Variants in STAT4 observed in about 807,000 individuals in gnomAD.
STAT4 encodes signal transducer and activator of transcription 4.
STAT4 carries 42 observed loss-of-function variants against 110.5 expected under a neutral mutation model. The observed-to-expected ratio is 0.38, with a 90% confidence interval of 0.30 to 0.49. The LOEUF is 0.49. STAT4 is among the 20% of genes least tolerant of loss of function. The probability of loss-of-function intolerance (pLI) is 0.95; values close to 1 mark genes in which losing one functional copy is unlikely to be tolerated. For missense variants in STAT4, 632 were observed against 887.9 expected (o/e 0.71, Z 3.66); for synonymous variants, 284 against 302.2 (o/e 0.94, Z 0.63).
chr2:191,049,823 C>G (rs1301482593), intron 14 of STAT4, among the ~76,000 whole-genome samples: 1 of 152,138 alleles, frequency 6.6e-6, no homozygotes, highest in Non-Finnish European at 1.5e-5. Context: ...GCTCATAAAG[C>G]CCTCTGCTGC....
At chr2:191,034,055 G>T in intron 18 of STAT4, 50 bp from the exon 19 acceptor site, 1 of 1,237,880 alleles carries the variant, frequency 8.1e-7, no homozygotes, top group Non-Finnish European at 1.2e-6. Flanking sequence ...AAGTAATAAT[G>T]TTGATATAAT....
intron 3 of STAT4, among the ~76,000 whole-genome samples, chr2:191,136,550 G>T (rs1468323100): frequency 6.6e-6 from 1 of 152,158 alleles, no homozygotes; most frequent in Non-Finnish European, 1.5e-5. Flanking sequence ...TCAGGAGTTC[G>T]AGACCAGCCT....
Position 191,064,684 on chromosome 2 carries a change from A to G in STAT4, c.782+123T>C, listed in dbSNP as rs994183367. 9 of 1,193,788 alleles carry G rather than the reference A, an allele frequency of 7.5e-6. No individual in the cohort carries two copies. In the African/African-American group the frequency reaches 1.4e-4, roughly 19 times the overall value. The allele number at this position is 1,193,788 out of a possible 1,614,324, so 73.9% of individuals were successfully genotyped here. A position where few individuals can be genotyped will look rare whatever the true frequency, so the allele number is the denominator to read the frequency against. ...TCAACTGTAGATTTCTCAGCTGCTA[A>G]TAAGCCATCAATAAACTGAATGAAC... On this transcript the variant is annotated intron_variant, in intron 8 of 23. Transcript: ENST00000392320.
chr2:191,036,071 C>A, intron 17 of STAT4, 93 bp downstream of exon 17: 1 of 1,400,090 alleles, frequency 7.1e-7, no homozygotes, highest in South Asian at 1.4e-5. Flanking sequence ...TGATTATCAT[C>A]TTTATTATTA....
intron 3 of STAT4, among the ~76,000 whole-genome samples, chr2:191,092,513 T>TA (rs71030322): frequency 2.3e-3 from 333 of 143,412 alleles, no homozygotes; most frequent in African/African-American, 5.5e-3. Flanking sequence ...GTGCTACAGT[T>TA]AAAAAAAAAA....
chr2:191,066,602 G>T lies in STAT4; in HGVS notation c.545-87C>A. The T allele has an allele frequency of 1.6e-6, 2 of 1,242,728 alleles. No homozygotes were observed. The highest frequency in any genetic ancestry group is 2.3e-6 in the Non-Finnish European group (2 of 871,750). The allele number at this position is 1,242,728 out of a possible 1,614,324, so 77.0% of individuals were successfully genotyped here. A position where few individuals can be genotyped will look rare whatever the true frequency, so the allele number is the denominator to read the frequency against. On this transcript the variant is annotated intron_variant, in intron 6 of 23. Transcript: ENST00000392320. This position sits in a 1 kb window ranked among gnomAD's most constrained non-coding sequence, Gnocchi z 4.3. Reference sequence around the variant, plus strand: ...AATCCACCATCCTAAAACAGCCCTGGCCCGGAGAACTTATGTGGTAAGAGA... The same window carrying T: ...AATCCACCATCCTAAAACAGCCCTGTCCCGGAGAACTTATGTGGTAAGAGA...
chr2:191,036,131 A>C (rs749071527), intron 17 of STAT4, 33 bp downstream of exon 17: 7 of 1,601,358 alleles, frequency 4.4e-6, no homozygotes, highest in Non-Finnish European at 6.0e-6. Flanking sequence ...GGCCAAAAAC[A>C]GAGGCAAATC....
chr2:191,072,356 T>C (rs1397775179), intron 5 of STAT4, among the ~76,000 whole-genome samples: 1 of 152,176 alleles, frequency 6.6e-6, no homozygotes, highest in Non-Finnish European at 1.5e-5. Flanking sequence ...TGTGCCAAGG[T>C]ATTTTGTCCT....
chr2:191,034,231 A>G (rs555296017), intron 18 of STAT4, among the ~76,000 whole-genome samples: 65 of 152,100 alleles, frequency 4.3e-4, no homozygotes, highest in Admixed American at 1.4e-3. Flanking sequence ...GACCATCCTG[A>G]CTAACACGGT....
Position 191,064,863 on chromosome 2 carries a change from C to G in STAT4, c.726G>C (p.Gln242His). The G allele has an allele frequency of 1.2e-6, 2 of 1,613,382 alleles. No homozygotes were observed. Among genetic ancestry groups the G allele is most frequent in the Non-Finnish European group, 1.7e-6 (2 of 1,179,688 alleles). Residue 242 changes from glutamine (Q) to histidine (H), a missense_variant, in exon 8 of 24, where the codon CAG (glutamine) becomes CAC (histidine). Physicochemically the swap from Gln to His is conservative, Grantham distance 24. This residue lies in a region of STAT4 where 488 missense variants were observed against 632.8 expected (regional missense o/e 0.77). Coordinates refer to ENST00000392320, the MANE Select transcript of STAT4 (RefSeq NM_003151.4). Reference protein sequence around the residue: ...IEELQDWKRRQQIACIGGPLH... With the variant: ...IEELQDWKRRHQIACIGGPLH... ...GTGGACCCCCGATGCAGGCGATTTG[C>G]TGCCGCCGCTTCCAGTCTTGCAGCT...
At chr2:191,048,790 A>C (rs1435083049) in intron 14 of STAT4, among the ~76,000 whole-genome samples, 1 of 6,460 alleles carries the variant, frequency 1.5e-4, no homozygotes. Flanking sequence ...CTCCATCTCA[A>C]AAAAAAAAAA....
In STAT4 at chr2:191,135,992, C is replaced by A. The variant is rs1375276133; in HGVS notation, c.273+10621G>T. Among the ~76,000 whole-genome samples, 2 of 114,214 alleles carry A rather than the reference C, an allele frequency of 1.8e-5. No homozygotes were observed. The highest frequency in any genetic ancestry group is 1.7e-5 in the Non-Finnish European group (1 of 58,302). 74.9% of individuals were successfully genotyped at this position (114,214 alleles called of 152,430 possible). ...CAACAAAATACTAGCAAATCAAATC[C>A]AACAGCATCTCAGAAAAAAAAAAAA... is the stretch of plus-strand genomic sequence containing the variant. On this transcript the variant is annotated intron_variant, in intron 3 of 23. Coordinates refer to ENST00000392320, the MANE Select transcript of STAT4 (RefSeq NM_003151.4). This position sits in a 1 kb window ranked among gnomAD's most constrained non-coding sequence, Gnocchi z 4.8.
chr2:191,075,244 T>C (rs891848803), intron 4 of STAT4, among the ~76,000 whole-genome samples: 1 of 152,194 alleles, frequency 6.6e-6, no homozygotes, highest in Non-Finnish European at 1.5e-5. Context: ...AGGATGTCAC[T>C]TGGAAAATTA....
chr2:191,056,010 A>AT (rs1696681245), intron 13 of STAT4, among the ~76,000 whole-genome samples: 1 of 152,214 alleles, frequency 6.6e-6, no homozygotes, highest in South Asian at 2.1e-4. Flanking sequence ...ATTACATTTT[A>AT]TTTATTTGGC....
intron 3 of STAT4, among the ~76,000 whole-genome samples, chr2:191,141,537 T>A (rs1481748432): frequency 6.8e-6 from 1 of 146,590 alleles, no homozygotes; most frequent in African/African-American, 2.5e-5. Context: ...CATATACATA[T>A]ATGATATATA....
At chr2:191,098,579 G>A (rs149218447) in intron 3 of STAT4, among the ~76,000 whole-genome samples, 3,173 of 152,078 alleles carry the variant, frequency 0.021, 38 homozygotes, top group Non-Finnish European at 0.032. Context: ...TGGACACAGG[G>A]CGGGGAACAT....
At chr2:191,038,242 C>G (rs1031455130) in intron 16 of STAT4, among the ~76,000 whole-genome samples, 7 of 152,104 alleles carry the variant, frequency 4.6e-5, no homozygotes, top group African/African-American at 1.7e-4. Flanking sequence ...CTGGTAAGTT[C>G]TGCTCTTTTT....
intron 3 of STAT4, among the ~76,000 whole-genome samples, chr2:191,111,146 A>G (rs879420546): frequency 6.6e-5 from 10 of 152,254 alleles, no homozygotes; most frequent in African/African-American, 9.6e-5. Context: ...GCAAAAATAT[A>G]GATTTTATAT....
chr2:191,122,307 C>T (rs1039413213), intron 3 of STAT4, among the ~76,000 whole-genome samples: 2 of 143,424 alleles, frequency 1.4e-5, no homozygotes, highest in African/African-American at 2.6e-5. Flanking sequence ...CCACTAGACA[C>T]ACCCTGAATT....
Sources: gnomAD v4.1 joint callset for allele counts (sites outside exome capture counted in the v4.1 genomes callset) on GRCh38, gnomAD v4.1.1 for gene constraint, gnomAD v4.1.1 regional missense constraint, Gnocchi (gnomAD v3.1) non-coding constraint, MANE v1.5 for transcripts, NCBI Gene and HGNC (gene_info 2026-07-23, HGNC 2026-07-21) for gene names.